GRB10: variants seen among roughly 807,000 people sequenced by gnomAD.
GRB10 encodes growth factor receptor bound protein 10.
A neutral mutation model predicts 80.9 loss-of-function variants in GRB10; 20 were observed. That is an observed-to-expected ratio of 0.25 (90% CI 0.17 to 0.36). GRB10 has a LOEUF of 0.36. Ranked by LOEUF, GRB10 falls within the 10% of genes least tolerant of loss-of-function variation. The pLI is 1.00. For missense variants in GRB10, 548 were observed against 747.7 expected, an observed-to-expected ratio of 0.73 and a Z score of 3.12; for synonymous variants, 291 against 291.5, an observed-to-expected ratio of 1.00 and a Z score of 0.02.
At chr7:50,612,440 A>G (rs1371503929) in intron 13 of GRB10, among the ~76,000 whole-genome samples, 3 of 152,206 alleles carry the variant, frequency 2.0e-5, no homozygotes, top group East Asian at 1.9e-4. Flanking sequence ...TATGCCACAC[A>G]TCTAAGTGGC....
intron 7 of GRB10, among the ~76,000 whole-genome samples, chr7:50,658,604 A>C (rs2058891445): frequency 6.6e-6 from 1 of 152,240 alleles, no homozygotes; most frequent in African/African-American, 2.4e-5. Context: ...TGAAAGACGT[A>C]TATAATTTAA....
At chr7:50,675,001 T>C (rs568226418) in intron 5 of GRB10, among the ~76,000 whole-genome samples, 1 of 152,196 alleles carries the variant, frequency 6.6e-6, no homozygotes, top group Admixed American at 6.5e-5. Context: ...CACAGCTGCA[T>C]AGCACGACCC....
chr7:50,738,440 C>T (rs1296207129), intron 3 of GRB10, among the ~76,000 whole-genome samples: 1 of 152,178 alleles, frequency 6.6e-6, no homozygotes, highest in Non-Finnish European at 1.5e-5. Context: ...GTGGTATATA[C>T]ATACATGGAA....
chr7:50,787,769 G>A (rs73697744), upstream of GRB10, among the ~76,000 whole-genome samples: 1,414 of 152,322 alleles, frequency 9.3e-3, 16 homozygotes, highest in African/African-American at 0.032. Context: ...TCTCTGGAGG[G>A]GATTCTGTGA....
chr7:50,757,623 G>A (rs1175552457), intron 2 of GRB10, among the ~76,000 whole-genome samples: 4 of 152,220 alleles, frequency 2.6e-5, no homozygotes, highest in African/African-American at 9.6e-5. Flanking sequence ...GTATCAAGAT[G>A]ATTATGTCGA....
At position 50,704,569 on chromosome 7, in the gene GRB10, T is replaced by G. The variant is rs137874835; in HGVS notation, c.52-661A>C. On this transcript the variant is annotated intron_variant, in intron 4 of 18. Transcript: ENST00000401949. ...TTTCTCTTATAGATTTATAAAAATC[T>G]TTGACATCTTTATGATGCATATGTA... 1.8e-4 allele frequency among the ~76,000 whole-genome samples: 27 copies of G among 152,352 alleles called. No individual in the cohort carries two copies. The East Asian group carries it at 5.0e-3, about 28-fold the overall frequency.
At chr7:50,740,828 G>GAA (rs34620281) in intron 3 of GRB10, among the ~76,000 whole-genome samples, 4 of 141,666 alleles carry the variant, frequency 2.8e-5, no homozygotes, top group East Asian at 2.0e-4. Context: ...CCATTCTAAT[G>GAA]AAAAAAAAAA....
At chr7:50,755,437 A>G (rs1344599660) in intron 3 of GRB10, among the ~76,000 whole-genome samples, 1 of 152,162 alleles carries the variant, frequency 6.6e-6, no homozygotes, top group Non-Finnish European at 1.5e-5. Context: ...CACACACATC[A>G]GCAACAAGGC....
At chr7:50,784,052 C>T (rs1364198245), upstream of GRB10, among the ~76,000 whole-genome samples, 1 of 152,222 alleles carries the variant, frequency 6.6e-6, no homozygotes, top group East Asian at 1.9e-4. Context: ...GTTTTCAACA[C>T]AACACAAAGG....
intron 5 of GRB10, among the ~76,000 whole-genome samples, chr7:50,693,171 A>G (rs778305995): frequency 8.5e-5 from 13 of 152,220 alleles, no homozygotes; most frequent in Admixed American, 2.0e-4. Context: ...GCCCAAAGCC[A>G]GGCTATGTCC....
At chr7:50,721,955 A>T (rs966462056) in intron 4 of GRB10, among the ~76,000 whole-genome samples, 1 of 152,226 alleles carries the variant, frequency 6.6e-6, no homozygotes, top group Non-Finnish European at 1.5e-5. Context: ...CAGCGCGTGG[A>T]GCGGGGAGAA....
At chr7:50,671,098 A>G (rs2060309382) in intron 6 of GRB10, among the ~76,000 whole-genome samples, 1 of 152,192 alleles carries the variant, frequency 6.6e-6, no homozygotes, top group African/African-American at 2.4e-5. Context: ...TCTGTAGAGT[A>G]ACTTCTGGCC....
intron 7 of GRB10, among the ~76,000 whole-genome samples, chr7:50,653,096 C>A (rs1698704094): frequency 6.6e-6 from 1 of 152,208 alleles, no homozygotes; most frequent in East Asian, 1.9e-4. Flanking sequence ...ACTTCACACT[C>A]CCCCCTGCTG....
chr7:50,723,419 G>A (rs2068068548), intron 4 of GRB10, among the ~76,000 whole-genome samples: 1 of 152,180 alleles, frequency 6.6e-6, no homozygotes, highest in African/African-American at 2.4e-5. Flanking sequence ...ATTGTCCAAA[G>A]AACGAAATGT....
At position 50,758,789 on chromosome 7, in the gene GRB10, T is replaced by C. The variant is rs115862743; in HGVS notation, c.-216-2733A>G. ...GCTTATGAAGACAAATTGAGAAATATGTAAATAGAATGGAATTAAAAGGAA... is the reference window on the plus strand; with the variant it reads ...GCTTATGAAGACAAATTGAGAAATACGTAAATAGAATGGAATTAAAAGGAA... On this transcript the variant is annotated intron_variant, in intron 2 of 18. Transcript: ENST00000401949. Among the ~76,000 whole-genome samples the C allele has an allele frequency of 8.2e-3, 1,242 of 152,322 alleles. 19 individuals carry two copies. The highest frequency in any genetic ancestry group is 0.029 in the African/African-American group (1,191 of 41,572).
At chr7:50,763,428 T>C (rs988848772) in intron 2 of GRB10, among the ~76,000 whole-genome samples, 3 of 152,204 alleles carry the variant, frequency 2.0e-5, no homozygotes, top group Non-Finnish European at 4.4e-5. Flanking sequence ...GGGATCACAC[T>C]GTACAGGCAT....
chr7:50,677,694 G>A (rs1056306662), intron 5 of GRB10, among the ~76,000 whole-genome samples: 8 of 152,150 alleles, frequency 5.3e-5, no homozygotes, highest in Non-Finnish European at 8.8e-5. Context: ...TAGCACGAGC[G>A]CCACTCTTAA....
At chr7:50,678,668 A>AT (rs958425605) in intron 5 of GRB10, among the ~76,000 whole-genome samples, 33 of 149,990 alleles carry the variant, frequency 2.2e-4, no homozygotes, top group East Asian at 5.8e-4. Flanking sequence ...ATTCTACACC[A>AT]TTTTTTTTTT....
chr7:50,780,526 T>G (rs972949890), intron 2 of GRB10, 101 bp downstream of exon 2: 1 of 152,292 alleles, frequency 6.6e-6, no homozygotes, highest in East Asian at 1.9e-4. Flanking sequence ...ACTTTATACT[T>G]GTAAGAATCA....
Sources: allele counts gnomAD v4.1 joint callset (sites outside exome capture counted in the v4.1 genomes callset), GRCh38; gene constraint gnomAD v4.1.1; transcripts MANE v1.5; gene names NCBI Gene and HGNC (gene_info 2026-07-23, HGNC 2026-07-21).